The following ANKS1B variants were observed in gnomAD, a reference collection of about 807,000 sequenced individuals.
ANKS1B encodes the protein ankyrin repeat and sterile alpha motif domain-containing protein 1B.
Under a neutral mutation model 148.3 loss-of-function variants are expected in ANKS1B, and 36 were observed. The ratio of observed to expected loss-of-function variants is 0.24; its 90% confidence interval spans 0.19 to 0.32. The LOEUF (loss-of-function observed/expected upper bound fraction) is 0.32, where lower values mean the gene tolerates loss of function less well. Among genes scored for constraint, ANKS1B ranks in the 10% least tolerant of loss-of-function variants. The pLI is 1.00. For missense variants in ANKS1B, 1,157 were observed against 1,542.6 expected (o/e 0.75, Z 4.19); for synonymous variants, 542 against 560.8 (o/e 0.97, Z 0.47).
intron 9 of ANKS1B, among the ~76,000 whole-genome samples, chr12:99,559,991 T>TTTCAGTACTTCAGTAC: frequency 6.6e-6 from 1 of 152,320 alleles, no homozygotes; most frequent in Non-Finnish European, 1.5e-5. Flanking sequence ...CGGTCAAGTG[T>TTTCAGTACTTCAGTAC]TTCAGTACTT....
At chr12:99,114,739 G>A (rs1029354077) in intron 15 of ANKS1B, among the ~76,000 whole-genome samples, 3 of 151,196 alleles carry the variant, frequency 2.0e-5, no homozygotes, top group East Asian at 1.9e-4. Flanking sequence ...GTGACAGAGC[G>A]AGACTCTGTC....
intron 14 of ANKS1B, among the ~76,000 whole-genome samples, chr12:99,229,393 C>T (rs1354688777): frequency 1.3e-5 from 2 of 151,782 alleles, no homozygotes; most frequent in Non-Finnish European, 2.9e-5. Context: ...AAATGAATAT[C>T]TTTATATGTG....
intron 17 of ANKS1B, among the ~76,000 whole-genome samples, chr12:99,043,511 C>A (rs1323690954): frequency 6.6e-6 from 1 of 152,202 alleles, no homozygotes; most frequent in Non-Finnish European, 1.5e-5. Context: ...ATGCTGCCAC[C>A]AGATGGCAGC....
chr12:99,427,325 C>A (rs1301190675), intron 11 of ANKS1B, among the ~76,000 whole-genome samples: 3 of 152,208 alleles, frequency 2.0e-5, no homozygotes, highest in Non-Finnish European at 4.4e-5. Flanking sequence ...TGCCCTCACA[C>A]TGAGCTCCAG....
At chr12:99,753,342 G>A (rs570768289) in intron 8 of ANKS1B, among the ~76,000 whole-genome samples, 159 of 152,170 alleles carry the variant, frequency 1.0e-3, no homozygotes, top group Middle Eastern at 3.4e-3. Context: ...AAATAACAAA[G>A]GAATAAGCTA....
At chr12:99,280,449 C>A (rs1215055324) in intron 12 of ANKS1B, among the ~76,000 whole-genome samples, 1 of 152,094 alleles carries the variant, frequency 6.6e-6, no homozygotes. Context: ...TTTATGTAAG[C>A]ACAAGTTATG....
intron 16 of ANKS1B, among the ~76,000 whole-genome samples, chr12:99,058,751 T>C (rs2041230963): frequency 1.5e-5 from 1 of 65,746 alleles, no homozygotes; most frequent in Non-Finnish European, 2.9e-5. Context: ...TTTTTTTTTT[T>C]TTTTGAGACG....
chr12:99,560,813 G>T (rs976002611), intron 9 of ANKS1B, among the ~76,000 whole-genome samples: 40 of 147,778 alleles, frequency 2.7e-4, no homozygotes, highest in African/African-American at 9.5e-4. Context: ...GAAGATTGGG[G>T]TTGCAATGGC....
At chr12:99,128,256 T>G (rs556403410) in intron 15 of ANKS1B, among the ~76,000 whole-genome samples, 1 of 152,168 alleles carries the variant, frequency 6.6e-6, no homozygotes, top group East Asian at 1.9e-4. Context: ...GGTTAAAAAC[T>G]ACACAGTAGC....
At chr12:99,760,763 C>G (rs1197672329) in intron 8 of ANKS1B, among the ~76,000 whole-genome samples, 1 of 151,012 alleles carries the variant, frequency 6.6e-6, no homozygotes. Flanking sequence ...CAAAAGTTGG[C>G]ATGAAAGGAT....
intron 8 of ANKS1B, among the ~76,000 whole-genome samples, chr12:99,744,991 CAAAAAAAAAAAA>C (rs55904412): frequency 1.9e-4 from 10 of 52,082 alleles, no homozygotes; most frequent in Non-Finnish European, 3.2e-4. Flanking sequence ...GACTCTGTCT[CAAAAAAAAAAAA>C]AAAAAAAAAA....
intron 1 of ANKS1B, among the ~76,000 whole-genome samples, chr12:99,969,473 C>G (rs191855714): frequency 5.3e-4 from 81 of 152,286 alleles, no homozygotes; most frequent in African/African-American, 1.8e-3. Flanking sequence ...TGTGAGTCAA[C>G]ACACCTGGAC....
chr12:98,756,218 T>C (rs949501195), intron 25 of ANKS1B, among the ~76,000 whole-genome samples: 1 of 152,096 alleles, frequency 6.6e-6, no homozygotes, highest in Non-Finnish European at 1.5e-5. Context: ...AATTGAATCA[T>C]GGGGGTGGGT....
intron 17 of ANKS1B, among the ~76,000 whole-genome samples, chr12:99,007,817 G>GC (rs1375817359): frequency 6.6e-6 from 1 of 151,936 alleles, no homozygotes; most frequent in Non-Finnish European, 1.5e-5. Context: ...TATTGCTTTT[G>GC]CTGTCTCTCT....
At chr12:99,262,308 T>C (rs1370940732) in intron 12 of ANKS1B, among the ~76,000 whole-genome samples, 2 of 152,066 alleles carry the variant, frequency 1.3e-5, no homozygotes, top group Non-Finnish European at 1.5e-5. Context: ...TATCATTTCA[T>C]TGCTATATCC....
intron 15 of ANKS1B, among the ~76,000 whole-genome samples, chr12:99,123,332 C>T (rs936896208): frequency 3.3e-5 from 5 of 152,042 alleles, no homozygotes; most frequent in East Asian, 1.9e-4. Flanking sequence ...CATGGAAGAA[C>T]GTTTTAAACA....
intron 17 of ANKS1B, among the ~76,000 whole-genome samples, chr12:98,964,698 C>T (rs529525690): frequency 6.6e-6 from 1 of 152,194 alleles, no homozygotes; most frequent in Non-Finnish European, 1.5e-5. Flanking sequence ...TGAAATAAAC[C>T]AGGCACAAAA....
chr12:99,902,639 A>T (rs1242840583), intron 1 of ANKS1B, among the ~76,000 whole-genome samples: 1 of 152,156 alleles, frequency 6.6e-6, no homozygotes, highest in Non-Finnish European at 1.5e-5. Context: ...TGGGTTGAGC[A>T]GCTGTGTATA....
intron 4 of ANKS1B, among the ~76,000 whole-genome samples, chr12:99,785,144 C>T (rs1015047574): frequency 6.6e-6 from 1 of 150,660 alleles, no homozygotes; most frequent in African/African-American, 2.4e-5. Flanking sequence ...TCAGGAAGCT[C>T]AAGGAAGATT....
Sources: gnomAD v4.1 joint callset for allele counts (sites outside exome capture counted in the v4.1 genomes callset) on GRCh38, gnomAD v4.1.1 for gene constraint, MANE v1.5 for transcripts, NCBI Gene and HGNC (gene_info 2026-07-23, HGNC 2026-07-21) for gene names.